Variants in BDKRB2 observed in about 807,000 individuals in gnomAD.
BDKRB2 encodes the protein B2 bradykinin receptor.
In BDKRB2, 6 loss-of-function variants were observed where a neutral mutation model predicts 4.0. The ratio of observed to expected loss-of-function variants is 1.49; its 90% CI spans 0.81 to 2.93. The LOEUF (loss-of-function observed/expected upper bound fraction) is 2.93. Ranked by LOEUF, BDKRB2 falls within the 30% of genes most tolerant of loss-of-function variation. BDKRB2 has a pLI of 0.00. For synonymous variants in BDKRB2, 225 were observed against 215.3 expected (o/e 1.05, Z -0.40); for missense variants, 478 against 520.1 (o/e 0.92, Z 0.79).
Position 96,220,324 on chromosome 14 carries a change from A to G in BDKRB2, c.-40+15365A>G, listed in dbSNP as rs537829774. On this transcript the variant is annotated intron_variant, in intron 1 of 2. Transcript: ENST00000554311. ...TTATGCCAGGGGTCTCAAAGGTGAAAGAGGCATGAGTTTGTCCCTCAAGCA... is the reference window on the plus strand; with the variant it reads ...TTATGCCAGGGGTCTCAAAGGTGAAGGAGGCATGAGTTTGTCCCTCAAGCA... Among the ~76,000 whole-genome samples, 33 of 152,220 alleles carry G rather than the reference A, an allele frequency of 2.2e-4. No individual in the cohort carries two copies. The South Asian group carries it at 3.9e-3, about 18-fold the overall frequency.
At chr14:96,208,194 C>T (rs574009674) in intron 1 of BDKRB2, among the ~76,000 whole-genome samples, 13 of 152,216 alleles carry the variant, frequency 8.5e-5, no homozygotes, top group Non-Finnish European at 1.8e-4. Flanking sequence ...AATTCCTCCT[C>T]TGAGCTCCTC....
At chr14:96,219,869 G>A (rs1890514705) in intron 1 of BDKRB2, among the ~76,000 whole-genome samples, 2 of 151,894 alleles carry the variant, frequency 1.3e-5, no homozygotes, top group Admixed American at 6.6e-5. Context: ...GGTTCTGAAG[G>A]ATGAGTAGGA....
intron 2 of BDKRB2, chr14:96,239,405 C>T (rs1246362403): frequency 1.0e-6 from 1 of 985,392 alleles, no homozygotes; most frequent in African/African-American, 1.7e-5. Context: ...GCTGTCCAAG[C>T]CCCACGCCTC....
intron 1 of BDKRB2, among the ~76,000 whole-genome samples, chr14:96,228,014 A>G (rs1890738433): frequency 6.6e-6 from 1 of 152,228 alleles, no homozygotes; most frequent in Non-Finnish European, 1.5e-5. Flanking sequence ...CTGGAGGGCT[A>G]TAAGCCACAG....
Position 96,241,639 on chromosome 14 carries a change from GGAGACTAA to G in BDKRB2, c.*136_*143del. 7.2e-7 allele frequency: 1 copy of G among 1,384,116 alleles called. No homozygotes were observed. The highest frequency in any genetic ancestry group is 9.4e-7 in the Non-Finnish European group (1 of 1,065,996). 85.7% of individuals were successfully genotyped at this position (1,384,116 alleles called of 1,614,324 possible). A position where few individuals can be genotyped will look rare whatever the true frequency, so the allele number is the denominator to read the frequency against. ...GAGTTGATGTCTCCGGTAAAACACC[GGAGACTAA>G]TTCCTGCCCTGCCCAATTTTGCAGG... On this transcript the variant is annotated 3_prime_UTR_variant, in exon 3 of 3. Coordinates refer to ENST00000554311, the MANE Select transcript of BDKRB2 (RefSeq NM_001379692.1).
rs1016003183 is a variant in BDKRB2 at position 96,239,125 on chromosome 14, A to C, written c.75-1278A>C. On this transcript the variant is annotated intron_variant, in intron 2 of 2. Transcript: ENST00000554311. The stretch of plus-strand genomic sequence containing the variant: ...CCTCCATGAGCCTGACTATCAGTGG[A>C]CCTTCCAGAAAGAGCCCCTTTTCCT... 9 of 985,336 alleles carry C rather than the reference A, an allele frequency of 9.1e-6. No individual in the cohort carries two copies. In the African/African-American group the frequency reaches 1.6e-4, roughly 17 times the overall value. The allele number at this position is 985,336 out of a possible 1,614,324, so 61.0% of individuals were successfully genotyped here.
chr14:96,216,128 C>A (rs980316243), intron 1 of BDKRB2, among the ~76,000 whole-genome samples: 1 of 152,178 alleles, frequency 6.6e-6, no homozygotes, highest in African/African-American at 2.4e-5. Context: ...ATGTCAGAAT[C>A]CTCAATCTCA....
intron 1 of BDKRB2, among the ~76,000 whole-genome samples, chr14:96,211,814 A>G (rs1348597169): frequency 6.6e-6 from 1 of 152,138 alleles, no homozygotes; most frequent in African/African-American, 2.4e-5. Context: ...AGAATTGCAA[A>G]CTACCTACGA....
At chr14:96,229,226 T>C (rs970184790) in intron 1 of BDKRB2, among the ~76,000 whole-genome samples, 1 of 152,156 alleles carries the variant, frequency 6.6e-6, no homozygotes, top group South Asian at 2.1e-4. Flanking sequence ...ATAAATGTTA[T>C]AGAAGCAGGA....
At chr14:96,218,193 T>C (rs1263246021) in intron 1 of BDKRB2, among the ~76,000 whole-genome samples, 1 of 152,146 alleles carries the variant, frequency 6.6e-6, no homozygotes, top group Non-Finnish European at 1.5e-5. Context: ...AGGGTTGAGA[T>C]GCTCGTGCAT....
intron 1 of BDKRB2, among the ~76,000 whole-genome samples, chr14:96,220,147 T>C (rs1890522676): frequency 1.3e-5 from 2 of 152,006 alleles, no homozygotes; most frequent in Non-Finnish European, 2.9e-5. Flanking sequence ...CGCACCCTTG[T>C]CCAGAAGTCC....
chr14:96,219,809 G>T (rs1890513500), intron 1 of BDKRB2, among the ~76,000 whole-genome samples: 1 of 151,974 alleles, frequency 6.6e-6, no homozygotes, highest in Non-Finnish European at 1.5e-5. Flanking sequence ...TGGGGCTGGG[G>T]TGTCTCTACG....
At chr14:96,222,655 T>G (rs1436195609) in intron 1 of BDKRB2, among the ~76,000 whole-genome samples, 1 of 152,102 alleles carries the variant, frequency 6.6e-6, no homozygotes, top group African/African-American at 2.4e-5. Context: ...CTGCACACTC[T>G]CCAATATGGC....
intron 1 of BDKRB2, among the ~76,000 whole-genome samples, chr14:96,206,203 T>A (rs1392370330): frequency 6.6e-6 from 1 of 152,222 alleles, no homozygotes; most frequent in African/African-American, 2.4e-5. Context: ...GCATTTGCTG[T>A]TTCCCCTGCT....
chr14:96,242,052 T>C lies in BDKRB2; in HGVS notation c.*548T>C, dbSNP rs1243395622. ...GGAGACCAGGATTTTATGGCTCCCC[T>C]CACTGATGGACAAGGAGGTCTGTGC... On this transcript the variant is annotated 3_prime_UTR_variant, in exon 3 of 3. Coordinates refer to ENST00000554311, the MANE Select transcript of BDKRB2 (RefSeq NM_001379692.1). The C allele has an allele frequency of 6.5e-6, 1 of 152,972 alleles. No individual in the cohort carries two copies. Among genetic ancestry groups the C allele is most frequent in the Non-Finnish European group, 1.5e-5 (1 of 68,644 alleles). The allele number at this position is 152,972 out of a possible 1,614,324, so 9.5% of individuals were successfully genotyped here.
chr14:96,223,298 C>A (rs1009751378), intron 1 of BDKRB2: 2 of 1,064,106 alleles, frequency 1.9e-6, no homozygotes, highest in Non-Finnish European at 2.9e-6. Context: ...GAATCAGAAC[C>A]TCACATCTTG....
chr14:96,239,933 A>G (rs1885227000), intron 2 of BDKRB2: 11 of 986,140 alleles, frequency 1.1e-5, no homozygotes, highest in Non-Finnish European at 1.2e-5. Flanking sequence ...ATGGTCTCCA[A>G]GCCAGACTGG....
intron 1 of BDKRB2, among the ~76,000 whole-genome samples, chr14:96,235,154 C>T (rs1021972591): frequency 6.6e-6 from 1 of 152,042 alleles, no homozygotes; most frequent in African/African-American, 2.4e-5. Context: ...TCGAGACCAA[C>T]CTGGCCAACA....
At chr14:96,208,799 A>G (rs933632715) in intron 1 of BDKRB2, among the ~76,000 whole-genome samples, 2 of 152,116 alleles carry the variant, frequency 1.3e-5, no homozygotes, top group Non-Finnish European at 1.5e-5. Context: ...CTTTAGATTT[A>G]CTCCGGCCTG....
Sources: gnomAD v4.1 joint callset for allele counts (sites outside exome capture counted in the v4.1 genomes callset) on GRCh38, gnomAD v4.1.1 for gene constraint, MANE v1.5 for transcripts, NCBI Gene and HGNC (gene_info 2026-07-23, HGNC 2026-07-21) for gene names.